PDZD2: variants seen among roughly 807,000 people sequenced by gnomAD.
PDZD2 encodes the protein PDZ domain-containing protein 2.
In PDZD2, 90 loss-of-function variants were observed where a neutral mutation model predicts 220.7. That is an observed-to-expected ratio of 0.41 (90% confidence interval 0.34 to 0.49). The LOEUF is 0.49. Ranked by LOEUF, PDZD2 falls within the 20% of genes least tolerant of loss-of-function variation. The probability of loss-of-function intolerance (pLI) is 0.28; values close to 1 mark genes in which losing one functional copy is unlikely to be tolerated. For synonymous variants in PDZD2, 1,375 were observed against 1,450.5 expected (o/e 0.95, Z 1.18); for missense variants, 3,174 against 3,608.5 (o/e 0.88, Z 3.08).
At chr5:31,852,031 G>A (rs1423716149) in intron 2 of PDZD2, among the ~76,000 whole-genome samples, 4 of 151,876 alleles carry the variant, frequency 2.6e-5, no homozygotes, top group African/African-American at 9.7e-5. Context: ...TAATTTTTAT[G>A]TTTTCAGTAG....
In PDZD2 at chr5:31,731,891, G is replaced by T. The variant is rs1295868565; in HGVS notation, c.-360-66998G>T. The stretch of plus-strand genomic sequence containing the variant: ...AAGAGTGGAATTGCTCAGTCATATG[G>T]TTATTCTGTGTTTACCTTTTTGAGG... On this transcript the variant is annotated intron_variant, in intron 1 of 24. Transcript: ENST00000438447. Among the ~76,000 whole-genome samples the T allele has an allele frequency of 2.4e-4, 36 of 152,212 alleles. 1 individual carries two copies. Among genetic ancestry groups the T allele is most frequent in the Non-Finnish European group, 4.4e-5 (3 of 68,048 alleles).
intron 17 of PDZD2, among the ~76,000 whole-genome samples, chr5:32,073,514 G>A (rs73074165): frequency 6.6e-6 from 1 of 151,572 alleles, no homozygotes; most frequent in South Asian, 2.1e-4. Context: ...CCCTAACAAT[G>A]TGTTAGATAA....
chr5:32,012,301 C>A (rs528843303), intron 6 of PDZD2, among the ~76,000 whole-genome samples: 4 of 152,210 alleles, frequency 2.6e-5, no homozygotes, highest in East Asian at 1.9e-4. Flanking sequence ...GTCTGCACCC[C>A]CTCTGCTGAG....
intron 6 of PDZD2, among the ~76,000 whole-genome samples, chr5:32,017,073 A>G (rs886647099): frequency 6.6e-6 from 1 of 152,118 alleles, no homozygotes; most frequent in Non-Finnish European, 1.5e-5. Flanking sequence ...CCATCCCGCA[A>G]TGCCCCCTGC....
At position 32,083,192 on chromosome 5, in the gene PDZD2, T is replaced by C. The variant is rs1742127340; in HGVS notation, c.3683-3939T>C. On this transcript the variant is annotated intron_variant, in intron 19 of 24. Transcript: ENST00000438447. The surrounding 1 kb of genome is among the most constrained non-coding windows in gnomAD (Gnocchi z 4.1). ...ATAGTCCTGTGCTTTTTTTGTCTTTTTGCCAAAAAAAAAAAAAAAATCCAC... is the reference window on the plus strand; with the variant it reads ...ATAGTCCTGTGCTTTTTTTGTCTTTCTGCCAAAAAAAAAAAAAAAATCCAC... Among the ~76,000 whole-genome samples, 1 of 135,970 alleles carries C rather than the reference T, an allele frequency of 7.4e-6. No individual in the cohort carries two copies. Among genetic ancestry groups the C allele is most frequent in the African/African-American group, 2.7e-5 (1 of 36,454 alleles). 89.2% of individuals were successfully genotyped at this position (135,970 alleles called of 152,430 possible).
intron 2 of PDZD2, among the ~76,000 whole-genome samples, chr5:31,952,261 G>C (rs1440399591): frequency 6.6e-6 from 1 of 152,254 alleles, no homozygotes; most frequent in Admixed American, 6.5e-5. Flanking sequence ...ATGCAGGTTA[G>C]AGTGGAGAAA....
At chr5:31,705,175 T>TACACAC (rs755393785) in intron 1 of PDZD2, among the ~76,000 whole-genome samples, 16 of 84,216 alleles carry the variant, frequency 1.9e-4, no homozygotes, top group Non-Finnish European at 2.8e-4. Context: ...AATACATGTA[T>TACACAC]ACACACACAC....
intron 6 of PDZD2, among the ~76,000 whole-genome samples, chr5:32,025,591 C>CTTTTTTTTTTTTTTTTTTTTTTTTTTTTT (rs70957998): frequency 1.5e-4 from 10 of 67,520 alleles, no homozygotes; most frequent in Non-Finnish European, 2.0e-4. Flanking sequence ...AACCATGATG[C>CTTTTTTTTTTTTTTTTTTTTTTTTTTTTT]TTTTTTTTTT....
Position 31,992,897 on chromosome 5 carries a change from G to A in PDZD2, c.979-2679G>A, listed in dbSNP as rs115436200. Among the ~76,000 whole-genome samples, 532 of 148,340 alleles carry A rather than the reference G, an allele frequency of 3.6e-3. 4 individuals are homozygous for A. The highest frequency in any genetic ancestry group is 4.9e-3 in the Non-Finnish European group (328 of 67,502). Reference sequence around the variant, plus strand: ...AAAAAAAAGCCACCATCCTACTCTCGCGTGTGCCGTGAGGCCGCCACAGGG... The same window carrying A: ...AAAAAAAAGCCACCATCCTACTCTCACGTGTGCCGTGAGGCCGCCACAGGG... On this transcript the variant is annotated intron_variant, in intron 3 of 24. Coordinates refer to ENST00000438447, the MANE Select transcript of PDZD2 (RefSeq NM_178140.4).
chr5:31,653,379 A>T (rs1306091780), intron 1 of PDZD2, among the ~76,000 whole-genome samples: 2 of 152,008 alleles, frequency 1.3e-5, no homozygotes, highest in Non-Finnish European at 2.9e-5. Context: ...AATGAGTGAG[A>T]TTAGCATCAG....
chr5:31,974,771 T>C (rs1749597669), intron 2 of PDZD2, among the ~76,000 whole-genome samples: 1 of 152,158 alleles, frequency 6.6e-6, no homozygotes, highest in Non-Finnish European at 1.5e-5. Context: ...CTATGTGGTG[T>C]CTGGGTGCAG....
At chr5:31,966,923 G>T (rs890750219) in intron 2 of PDZD2, among the ~76,000 whole-genome samples, 3 of 152,166 alleles carry the variant, frequency 2.0e-5, no homozygotes, top group African/African-American at 4.8e-5. Context: ...AAAATGCTCC[G>T]TACACTGTAG....
At chr5:31,888,969 G>A (rs1467323829) in intron 2 of PDZD2, among the ~76,000 whole-genome samples, 1 of 152,096 alleles carries the variant, frequency 6.6e-6, no homozygotes, top group Non-Finnish European at 1.5e-5. Flanking sequence ...ACCAACCTCC[G>A]TCGGCTTCAG....
At chr5:31,778,592 C>A (rs959923556) in intron 1 of PDZD2, among the ~76,000 whole-genome samples, 1 of 152,146 alleles carries the variant, frequency 6.6e-6, no homozygotes, top group African/African-American at 2.4e-5. Flanking sequence ...CCAGCGAGAC[C>A]ATGAACCCAC....
intron 13 of PDZD2, among the ~76,000 whole-genome samples, chr5:32,060,199 T>C (rs1456072564): frequency 6.6e-6 from 1 of 152,116 alleles, no homozygotes; most frequent in African/African-American, 2.4e-5. Context: ...TAGCAAATCA[T>C]CCAAAGTACA....
At chr5:31,957,307 C>T (rs557372902) in intron 2 of PDZD2, among the ~76,000 whole-genome samples, 2 of 152,266 alleles carry the variant, frequency 1.3e-5, no homozygotes, top group African/African-American at 2.4e-5. Context: ...AGGAGGACAT[C>T]GCCAGTCACG....
At chr5:31,787,847 T>C (rs1460685780) in intron 1 of PDZD2, 1 of 152,184 alleles carries the variant, frequency 6.6e-6, no homozygotes, top group African/African-American at 2.4e-5. Flanking sequence ...CATCCTATGC[T>C]CCCAAGTGCA....
chr5:31,896,749 C>A (rs1741606245), intron 2 of PDZD2, among the ~76,000 whole-genome samples: 1 of 152,176 alleles, frequency 6.6e-6, no homozygotes, highest in Non-Finnish European at 1.5e-5. Flanking sequence ...TGCTTGAGTT[C>A]AGGAGTTCGA....
At chr5:32,047,010 C>T (rs1738038220) in intron 7 of PDZD2, among the ~76,000 whole-genome samples, 1 of 152,026 alleles carries the variant, frequency 6.6e-6, no homozygotes. Flanking sequence ...CACTGCACTC[C>T]AGCCTGGGCA....
Sources: allele counts gnomAD v4.1 joint callset (sites outside exome capture counted in the v4.1 genomes callset), GRCh38; gene constraint gnomAD v4.1.1; non-coding constraint Gnocchi (gnomAD v3.1); transcripts MANE v1.5; gene names NCBI Gene and HGNC (gene_info 2026-07-23, HGNC 2026-07-21).